The following PTK2B variants were observed in gnomAD, a reference collection of about 807,000 sequenced individuals.
PTK2B encodes protein tyrosine kinase 2 beta.
Under a neutral mutation model 142.9 loss-of-function variants are expected in PTK2B, and 71 were observed. The observed-to-expected ratio is 0.50, with a 90% confidence interval of 0.41 to 0.61. PTK2B has a LOEUF of 0.61. Ranked by LOEUF, PTK2B falls within the 20% of genes least tolerant of loss-of-function variation. The pLI is 0.00. For synonymous variants in PTK2B, 519 were observed against 503.4 expected (o/e 1.03, Z -0.42); for missense variants, 1,105 against 1,320.4 (o/e 0.84, Z 2.53).
chr8:27,438,101 C>G (rs1453635086), intron 18 of PTK2B: 4 of 509,868 alleles, frequency 7.8e-6, no homozygotes, highest in Non-Finnish European at 1.4e-5. Flanking sequence ...ACGAGTAACT[C>G]TGAAGTCCGA....
chr8:27,453,603 G>C (rs1379298270), intron 28 of PTK2B, among the ~76,000 whole-genome samples: 1 of 152,228 alleles, frequency 6.6e-6, no homozygotes, highest in African/African-American at 2.4e-5. Context: ...GCATAGGCCA[G>C]GTGCCGTGGC....
At chr8:27,369,889 ATAGCTTGAGCTCAGGAGGCGGAGG>A (rs1806241835) in intron 1 of PTK2B, among the ~76,000 whole-genome samples, 1 of 152,146 alleles carries the variant, frequency 6.6e-6, no homozygotes, top group Non-Finnish European at 1.5e-5. Context: ...AGGCAGGAGA[ATAGCTTGAGCTCAGGAGGCGGAGG>A]TTGCAGTGAG....
At position 27,315,436 on chromosome 8, in the gene PTK2B, A is replaced by T. The variant is rs758062805; in HGVS notation, c.-414+2149A>T. On this transcript the variant is annotated intron_variant, in intron 3 of 35. Transcript: ENST00000397501. ...TAACCTTAGAGGCAATATCCAAAAAAGCCACAAGATGGGGCTAACAACGCT... is the reference window on the plus strand; with the variant it reads ...TAACCTTAGAGGCAATATCCAAAAATGCCACAAGATGGGGCTAACAACGCT... Among the ~76,000 whole-genome samples the T allele has an allele frequency of 1.6e-4, 25 of 152,158 alleles. 1 individual carries two copies. Among genetic ancestry groups the T allele is most frequent in the Non-Finnish European group, 3.2e-4 (22 of 68,024 alleles).
chr8:27,376,613 C>G (rs1442663569), intron 1 of PTK2B, among the ~76,000 whole-genome samples: 8 of 152,180 alleles, frequency 5.3e-5, no homozygotes, highest in Non-Finnish European at 1.2e-4. Context: ...GCTGATAAAA[C>G]AGGTTACAGT....
At chr8:27,370,406 A>G (rs185436317) in intron 1 of PTK2B, among the ~76,000 whole-genome samples, 1 of 152,366 alleles carries the variant, frequency 6.6e-6, no homozygotes, top group Non-Finnish European at 1.5e-5. Context: ...CCACGTTATT[A>G]GCTTACTCTT....
chr8:27,358,689 A>G (rs2130712279), intron 1 of PTK2B, among the ~76,000 whole-genome samples: 1 of 152,276 alleles, frequency 6.6e-6, no homozygotes, highest in Admixed American at 6.5e-5. Context: ...TATGTATACT[A>G]CATTATTTTG....
At chr8:27,451,396 T>A in intron 26 of PTK2B, 89 bp from the exon 27 acceptor site, 1 of 1,583,152 alleles carries the variant, frequency 6.3e-7, no homozygotes, top group Admixed American at 1.7e-5. Context: ...AAACACACAG[T>A]GGAGGGACTG....
At chr8:27,380,613 A>G (rs1375178979) in intron 1 of PTK2B, 1 of 152,074 alleles carries the variant, frequency 6.6e-6, no homozygotes, top group East Asian at 1.9e-4. Context: ...TAAAACTGAA[A>G]CCACAACTCT....
intron 1 of PTK2B, among the ~76,000 whole-genome samples, chr8:27,369,914 T>C (rs1389286695): frequency 1.4e-5 from 2 of 147,572 alleles, no homozygotes; most frequent in African/African-American, 5.1e-5. Context: ...GAGGCGGAGG[T>C]TGCAGTGAGC....
chr8:27,317,047 A>G (rs1803109922), intron 3 of PTK2B, among the ~76,000 whole-genome samples: 1 of 152,188 alleles, frequency 6.6e-6, no homozygotes, highest in Non-Finnish European at 1.5e-5. Flanking sequence ...TGGTCAGCCT[A>G]TGGCTTCCTT....
At chr8:27,376,849 G>A (rs561265896) in intron 1 of PTK2B, among the ~76,000 whole-genome samples, 2 of 152,336 alleles carry the variant, frequency 1.3e-5, no homozygotes, top group African/African-American at 4.8e-5. Flanking sequence ...GCAAACAGCA[G>A]CCTTCAAGAC....
At chr8:27,333,380 G>A (rs1281464968) in intron 1 of PTK2B, among the ~76,000 whole-genome samples, 1 of 152,228 alleles carries the variant, frequency 6.6e-6, no homozygotes, top group Non-Finnish European at 1.5e-5. Context: ...GACTTCGGTG[G>A]AGGTGCGAGG....
At chr8:27,320,056 T>C (rs923756230) in intron 3 of PTK2B, among the ~76,000 whole-genome samples, 1 of 152,050 alleles carries the variant, frequency 6.6e-6, no homozygotes, top group South Asian at 2.1e-4. Context: ...GAGTGCGCAT[T>C]GGGGTGGAGC....
intron 1 of PTK2B, among the ~76,000 whole-genome samples, chr8:27,383,584 T>C (rs1807161365): frequency 6.6e-6 from 1 of 152,146 alleles, no homozygotes; most frequent in Non-Finnish European, 1.5e-5. Context: ...ATCAGTGTTT[T>C]ATAGTTTCCA....
rs781278301 is a variant in PTK2B at position 27,420,753 on chromosome 8, T to C, written c.471+9T>C. 5 of 1,599,676 alleles carry C rather than the reference T, an allele frequency of 3.1e-6. No individual in the cohort carries two copies. Among genetic ancestry groups the C allele is most frequent in the South Asian group, 2.2e-5 (2 of 90,766 alleles). On this transcript the variant is annotated intron_variant, in intron 4 of 30. Coordinates refer to ENST00000346049, the MANE Select transcript of PTK2B (RefSeq NM_173176.3). Reference sequence around the variant, plus strand: ...TCTATTTTTACCAACAGGTAAAAAGTACTTTATCTTCTTGCCCCGAGGCTC... The same window carrying C: ...TCTATTTTTACCAACAGGTAAAAAGCACTTTATCTTCTTGCCCCGAGGCTC...
At chr8:27,411,938 A>G (rs887350528) in intron 2 of PTK2B, among the ~76,000 whole-genome samples, 4 of 152,220 alleles carry the variant, frequency 2.6e-5, no homozygotes, top group African/African-American at 9.7e-5. Context: ...AAAACAACTC[A>G]CAGAATGCAG....
Position 27,436,269 on chromosome 8 carries a change from C to A in PTK2B, c.1262C>A (p.Ala421Asp). ...RRPGGPQYGI[A>D]REDVVLNRIL... The stretch of plus-strand genomic sequence containing the variant: ...TGTGCAGGTCCACAGTATGGCATTG[C>A]CCGTGAAGATGTGGTCCTGAATCGT... Residue 421 changes from alanine (A) to aspartate (D), a missense_variant, in exon 15 of 31, where the codon GCC (alanine) becomes GAC (aspartate). Coordinates refer to ENST00000346049, the MANE Select transcript of PTK2B (RefSeq NM_173176.3). The A allele has an allele frequency of 1.2e-6, 2 of 1,614,150 alleles. No homozygotes were observed. Among genetic ancestry groups the A allele is most frequent in the African/African-American group, 2.7e-5 (2 of 75,052 alleles).
chr8:27,376,202 G>A (rs1165848775), intron 1 of PTK2B, among the ~76,000 whole-genome samples: 1 of 152,238 alleles, frequency 6.6e-6, no homozygotes, highest in East Asian at 1.9e-4. Context: ...GAGCTGTAGA[G>A]TGGGTTCAGG....
intron 5 of PTK2B, among the ~76,000 whole-genome samples, chr8:27,423,137 A>G (rs1430523684): frequency 6.6e-6 from 1 of 152,200 alleles, no homozygotes; most frequent in East Asian, 1.9e-4. Context: ...TGGCAGTCCA[A>G]TGATATCATT....
Sources: allele counts gnomAD v4.1 joint callset (sites outside exome capture counted in the v4.1 genomes callset), GRCh38; gene constraint gnomAD v4.1.1; transcripts MANE v1.5; gene names NCBI Gene and HGNC (gene_info 2026-07-23, HGNC 2026-07-21).